The following RO60 variants were observed in gnomAD, a reference collection of about 807,000 sequenced individuals.
RO60 encodes RNA-binding protein RO60.
A neutral mutation model predicts 55.3 loss-of-function variants in RO60; 20 were observed. The ratio of observed to expected loss-of-function variants is 0.36; its 90% CI spans 0.25 to 0.53. RO60 has a LOEUF of 0.53. Ranked by LOEUF, RO60 falls within the 20% of genes least tolerant of loss-of-function variation. RO60 has a pLI of 0.92. For synonymous variants in RO60, 213 were observed against 213.6 expected (o/e 1.00, Z 0.02); for missense variants, 558 against 646.6 (o/e 0.86, Z 1.49).
In RO60 at chr1:193,085,582, G is replaced by C. The variant is rs565524393; in HGVS notation, c.*851G>C. 216 of 984,266 alleles carry C rather than the reference G, an allele frequency of 2.2e-4. No individual in the cohort carries two copies. The Middle Eastern group carries it at 4.2e-3, about 19-fold the overall frequency. The allele number at this position is 984,266 out of a possible 1,614,324, so 61.0% of individuals were successfully genotyped here. On this transcript the variant is annotated 3_prime_UTR_variant, in exon 9 of 9. Coordinates refer to ENST00000400968, the MANE Select transcript of RO60 (RefSeq NM_001173524.2). Reference sequence around the variant, plus strand: ...CTCTTAAGTGTAAATAATATAAAATGTTTCAAGCGCTTAACTCCCCCTCAT... The same window carrying C: ...CTCTTAAGTGTAAATAATATAAAATCTTTCAAGCGCTTAACTCCCCCTCAT...
chr1:193,089,209 A>G lies in RO60; in HGVS notation c.*4478A>G, dbSNP rs74130916. 6.6e-6 allele frequency: 1 copy of G among 152,316 alleles called. No homozygotes were observed. Among genetic ancestry groups the G allele is most frequent in the Non-Finnish European group, 1.5e-5 (1 of 68,010 alleles). The allele number at this position is 152,316 out of a possible 1,614,324, so 9.4% of individuals were successfully genotyped here. On this transcript the variant is annotated 3_prime_UTR_variant, in exon 9 of 9. Transcript: ENST00000400968. The stretch of plus-strand genomic sequence containing the variant: ...TATGTTATCTAGCTATGTTGAAAAG[A>G]TAAGTGCTTACTATATAAGCACTCT...
At position 193,088,162 on chromosome 1, in the gene RO60, CTTTTTTTTTTTTTTTT is replaced by C. The variant is rs145943712; in HGVS notation, c.*3447_*3462del. ...GGTGTGCACTGCACTACCACGCCTG[CTTTTTTTTTTTTTTTT>C]TTTTTTTTTTTTTTTAAGAGACAAC... On this transcript the variant is annotated 3_prime_UTR_variant, in exon 9 of 9. Transcript: ENST00000400968. 2.7e-4 allele frequency: 12 copies of C among 44,384 alleles called. No individual in the cohort carries two copies. Among genetic ancestry groups the C allele is most frequent in the African/African-American group, 1.0e-3 (9 of 8,724 alleles). The allele number at this position is 44,384 out of a possible 1,614,324, so 2.7% of individuals were successfully genotyped here. A position where few individuals can be genotyped will look rare whatever the true frequency, so the allele number is the denominator to read the frequency against.
chr1:193,074,854 T>C (rs1673793718), intron 2 of RO60, among the ~76,000 whole-genome samples: 2 of 152,216 alleles, frequency 1.3e-5, no homozygotes, highest in Non-Finnish European at 1.5e-5. Flanking sequence ...TTCTAGGGCT[T>C]TTATGGTTTT....
At position 193,086,987 on chromosome 1, in the gene RO60, T is replaced by C. The variant is rs1674649257; in HGVS notation, c.*2256T>C. Reference sequence around the variant, plus strand: ...CTATAACCTAGAAATCTTGGTCTCTTCATTCCTGTGCCAGAATTTATTTCC... The same window carrying C: ...CTATAACCTAGAAATCTTGGTCTCTCCATTCCTGTGCCAGAATTTATTTCC... On this transcript the variant is annotated 3_prime_UTR_variant, in exon 9 of 9. Coordinates refer to ENST00000400968, the MANE Select transcript of RO60 (RefSeq NM_001173524.2). The C allele has an allele frequency of 6.6e-6, 1 of 152,172 alleles. No individual in the cohort carries two copies. The highest frequency in any genetic ancestry group is 6.5e-5 in the Admixed American group (1 of 15,284). 9.4% of individuals were successfully genotyped at this position (152,172 alleles called of 1,614,324 possible).
At chr1:193,078,796 C>A (rs1417096947) in intron 5 of RO60, among the ~76,000 whole-genome samples, 3 of 152,104 alleles carry the variant, frequency 2.0e-5, no homozygotes, top group African/African-American at 7.2e-5. Flanking sequence ...CAATACTATC[C>A]AAAGCAGCCA....
At chr1:193,061,372 TG>T (rs1672700867) in intron 1 of RO60, among the ~76,000 whole-genome samples, 1 of 152,248 alleles carries the variant, frequency 6.6e-6, no homozygotes, top group Non-Finnish European at 1.5e-5. Context: ...CTCATAGATA[TG>T]TCAGCTTTGA....
chr1:193,084,867 A>T lies in RO60; in HGVS notation c.*136A>T. The T allele has an allele frequency of 7.2e-6, 3 of 417,378 alleles. No individual in the cohort carries two copies. The South Asian group carries it at 2.1e-4, about 29-fold the overall frequency. The allele number at this position is 417,378 out of a possible 1,614,324, so 25.9% of individuals were successfully genotyped here. ...TGCATAATGGAAAGTTACCTTACTG[A>T]AAAAAAAAAAAGAAGGAAAAATAAG... On this transcript the variant is annotated 3_prime_UTR_variant, in exon 9 of 9. Transcript: ENST00000400968.
chr1:193,078,074 C>T (rs1034532823), intron 5 of RO60, among the ~76,000 whole-genome samples: 1 of 152,148 alleles, frequency 6.6e-6, no homozygotes, highest in Non-Finnish European at 1.5e-5. Flanking sequence ...TGATATTCAT[C>T]CCTGGCATAC....
rs1267872718 is a variant in RO60, at chr1:193,089,790, AATG to A, written c.*5062_*5064del. On this transcript the variant is annotated 3_prime_UTR_variant, in exon 9 of 9. Coordinates refer to ENST00000400968, the MANE Select transcript of RO60 (RefSeq NM_001173524.2). ...GCACCACATTAATTTTATGAACATAAATGATATTTAACTTTTCTTTTTTTTTTT... is the reference window on the plus strand; with the variant it reads ...GCACCACATTAATTTTATGAACATAAATATTTAACTTTTCTTTTTTTTTTT... The A allele has an allele frequency of 2.6e-5, 4 of 151,768 alleles. No individual in the cohort carries two copies. The highest frequency in any genetic ancestry group is 5.9e-5 in the Non-Finnish European group (4 of 67,954). The allele number at this position is 151,768 out of a possible 1,614,324, so 9.4% of individuals were successfully genotyped here.
At chr1:193,067,780 T>G (rs1287710154) in intron 1 of RO60, among the ~76,000 whole-genome samples, 1 of 152,108 alleles carries the variant, frequency 6.6e-6, no homozygotes, top group Non-Finnish European at 1.5e-5. Context: ...TTAGAGCTAA[T>G]GGAAGGAGTA....
chr1:193,064,478 C>A (rs185359926), intron 1 of RO60, among the ~76,000 whole-genome samples: 99 of 152,316 alleles, frequency 6.5e-4, no homozygotes, highest in Admixed American at 2.0e-3. Flanking sequence ...AGTATCACAT[C>A]ACTTTGCCGA....
At chr1:193,061,006 A>G (rs1422383206) in intron 1 of RO60, among the ~76,000 whole-genome samples, 2 of 152,218 alleles carry the variant, frequency 1.3e-5, no homozygotes, top group African/African-American at 4.8e-5. Flanking sequence ...CATGGTACCT[A>G]TTGTAGAAAG....
intron 5 of RO60, 138 bp downstream of exon 5, chr1:193,077,188 G>T (rs1673983344): frequency 1.2e-6 from 1 of 833,296 alleles, no homozygotes; most frequent in African/African-American, 1.7e-5. Context: ...TTCATATGTG[G>T]TGAGTATATA....
In RO60 at chr1:193,059,950, G is replaced by C. The variant is rs1672352830; in HGVS notation, c.-22+174G>C. On this transcript the variant is annotated intron_variant, in intron 1 of 8. Transcript: ENST00000400968. The surrounding 1 kb of genome is among the most constrained non-coding windows in gnomAD (Gnocchi z 4.9). ...TCCGCGCCTGTCCACCCTGGGTAAC[G>C]GAACCAGCATCGCGGTAGGGACATC... 2 of 1,366,408 alleles carry C rather than the reference G, an allele frequency of 1.5e-6. No individual in the cohort carries two copies. The highest frequency in any genetic ancestry group is 2.0e-6 in the Non-Finnish European group (2 of 1,021,802). The allele number at this position is 1,366,408 out of a possible 1,614,324, so 84.6% of individuals were successfully genotyped here.
rs144925242 is a variant in RO60, at chr1:193,077,320, C to T, written c.1086+270C>T. On this transcript the variant is annotated intron_variant, in intron 5 of 8. Coordinates refer to ENST00000400968, the MANE Select transcript of RO60 (RefSeq NM_001173524.2). ...ACTGTATTAGTTTGTTCTCACAGTG[C>T]TATAAAGAAATACCTGAGACTGAGT... is the stretch of plus-strand genomic sequence containing the variant. Among the ~76,000 whole-genome samples the T allele has an allele frequency of 4.6e-3, 697 of 152,178 alleles. 6 individuals are homozygous for T. Among genetic ancestry groups the T allele is most frequent in the African/African-American group, 0.016 (646 of 41,508 alleles).
chr1:193,077,068 G>T lies in RO60; in HGVS notation c.1086+18G>T. On this transcript the variant is annotated intron_variant, in intron 5 of 8. Coordinates refer to ENST00000400968, the MANE Select transcript of RO60 (RefSeq NM_001173524.2). ...CATTTAAGGTAGTGATATGATTTTT[G>T]TTTTAAAACAAATGACTGAAGACTT... is the stretch of plus-strand genomic sequence containing the variant. The T allele has an allele frequency of 6.3e-7, 1 of 1,590,920 alleles. No individual in the cohort carries two copies. The highest frequency in any genetic ancestry group is 8.6e-7 in the Non-Finnish European group (1 of 1,165,270).
intron 5 of RO60, among the ~76,000 whole-genome samples, chr1:193,080,237 A>G (rs1474445764): frequency 6.6e-6 from 1 of 152,238 alleles, no homozygotes; most frequent in Non-Finnish European, 1.5e-5. Flanking sequence ...TTGGATAGCT[A>G]ATATCAAAAA....
At position 193,086,650 on chromosome 1, in the gene RO60, A is replaced by C. The variant is rs1446538824; in HGVS notation, c.*1919A>C. 2 of 152,186 alleles carry C rather than the reference A, an allele frequency of 1.3e-5. No individual in the cohort carries two copies. Among genetic ancestry groups the C allele is most frequent in the African/African-American group, 4.8e-5 (2 of 41,460 alleles). 9.4% of individuals were successfully genotyped at this position (152,186 alleles called of 1,614,324 possible). On this transcript the variant is annotated 3_prime_UTR_variant, in exon 9 of 9. Transcript: ENST00000400968. ...AGAAATGTTAAATAGAATATAGTACAAAAGTGCATTACCTTCAGTTGTGTA... is the reference window on the plus strand; with the variant it reads ...AGAAATGTTAAATAGAATATAGTACCAAAGTGCATTACCTTCAGTTGTGTA...
chr1:193,086,217 G>A lies in RO60; in HGVS notation c.*1486G>A, dbSNP rs952558892. 2.3e-5 allele frequency: 4 copies of A among 171,274 alleles called. No homozygotes were observed. The highest frequency in any genetic ancestry group is 3.5e-5 in the Non-Finnish European group (3 of 85,710). The allele number at this position is 171,274 out of a possible 1,614,324, so 10.6% of individuals were successfully genotyped here. A position where few individuals can be genotyped will look rare whatever the true frequency, so the allele number is the denominator to read the frequency against. ...GAAAGGGGGACTTTAGTAGTCTGAG[G>A]ATTTCTGTACATATTTTCTTCTGTT... On this transcript the variant is annotated 3_prime_UTR_variant, in exon 9 of 9. Transcript: ENST00000400968.
Sources: gnomAD v4.1 joint callset for allele counts (sites outside exome capture counted in the v4.1 genomes callset) on GRCh38, gnomAD v4.1.1 for gene constraint, Gnocchi (gnomAD v3.1) non-coding constraint, MANE v1.5 for transcripts, NCBI Gene and HGNC (gene_info 2026-07-23, HGNC 2026-07-21) for gene names.